Variants in SPICE1 observed in about 807,000 individuals in gnomAD.
The protein encoded by SPICE1 is spindle and centriole associated protein 1, also known as spindle and centriole-associated protein 1.
A neutral mutation model predicts 102.7 loss-of-function variants in SPICE1; 75 were observed. The ratio of observed to expected loss-of-function variants is 0.73; its 90% confidence interval spans 0.61 to 0.88. The LOEUF is 0.88. SPICE1 is among the 40% of genes least tolerant of loss of function. The pLI, the probability that SPICE1 is intolerant of heterozygous loss-of-function variation, is 0.00. For synonymous variants in SPICE1, 308 were observed against 350.3 expected (o/e 0.88, Z 1.35); for missense variants, 979 against 1,020.1 (o/e 0.96, Z 0.55).
At position 113,459,839 on chromosome 3, in the gene SPICE1, G is replaced by A. The variant is rs886069108; in HGVS notation, c.1435+778C>T. The A allele has an allele frequency of 2.8e-5, 27 of 968,048 alleles. No individual in the cohort carries two copies. In the Admixed American group the frequency reaches 3.1e-4, roughly 11 times the overall value. 60.0% of individuals were successfully genotyped at this position (968,048 alleles called of 1,614,324 possible). The stretch of plus-strand genomic sequence containing the variant: ...GGAGGTTGCAGTAAGCCGAGAGGGC[G>A]CCACTACACTCCAGCCTGGGTGACA... On this transcript the variant is annotated intron_variant, in intron 12 of 17. Transcript: ENST00000295872.
At chr3:113,481,348 C>G (rs61454255) in intron 7 of SPICE1, among the ~76,000 whole-genome samples, 1,860 of 151,200 alleles carry the variant, frequency 0.012, 30 homozygotes, top group African/African-American at 0.042. Flanking sequence ...AAGAAATAAG[C>G]AAACTCTATA....
At chr3:113,471,430 A>G (rs1936196061) in intron 7 of SPICE1, among the ~76,000 whole-genome samples, 1 of 152,228 alleles carries the variant, frequency 6.6e-6, no homozygotes, top group African/African-American at 2.4e-5. Context: ...CCACAATTTC[A>G]GAAGCTAGAA....
In SPICE1 at chr3:113,445,574, A is replaced by C. The variant is rs532992673; in HGVS notation, c.2515-214T>G. Among the ~76,000 whole-genome samples, 4 of 152,330 alleles carry C rather than the reference A, an allele frequency of 2.6e-5. No homozygotes were observed. The East Asian group carries it at 7.7e-4, about 29-fold the overall frequency. ...GGTCAACAGATCCTCTTACTGATTT[A>C]GGAGTCATAATTTTTTTAAGTCCAG... On this transcript the variant is annotated intron_variant, in intron 17 of 17. Transcript: ENST00000295872.
At chr3:113,472,309 G>A (rs986758819) in intron 7 of SPICE1, among the ~76,000 whole-genome samples, 1 of 152,260 alleles carries the variant, frequency 6.6e-6, no homozygotes, top group African/African-American at 2.4e-5. Context: ...GCCCACCACA[G>A]CTCAAGGAGG....
intron 6 of SPICE1, among the ~76,000 whole-genome samples, chr3:113,490,322 A>C (rs1355064779): frequency 6.6e-6 from 1 of 152,142 alleles, no homozygotes; most frequent in Non-Finnish European, 1.5e-5. Context: ...TAAGCCCCAG[A>C]CATTCATATT....
chr3:113,478,027 G>A (rs528644166), intron 7 of SPICE1, among the ~76,000 whole-genome samples: 2 of 146,478 alleles, frequency 1.4e-5, no homozygotes, highest in African/African-American at 5.0e-5. Flanking sequence ...GTAAAAAAAA[G>A]AAAACAAGAT....
chr3:113,477,694 C>T (rs1936386995), intron 7 of SPICE1, among the ~76,000 whole-genome samples: 1 of 150,418 alleles, frequency 6.6e-6, no homozygotes, highest in Non-Finnish European at 1.5e-5. Flanking sequence ...GGACAAAAAA[C>T]CAAACACCGC....
rs190749935 is a variant in SPICE1 at position 113,493,259 on chromosome 3, T to C, written c.439A>G (p.Asn147Asp). 187 of 1,613,566 alleles carry C rather than the reference T, an allele frequency of 1.2e-4. 2 individuals are homozygous for C. The East Asian group carries it at 2.3e-3, about 20-fold the overall frequency. ...PDSSQGPIVV[N>D]QDPITQSIFN... Reference sequence around the variant, plus strand: ...ATAGATTGGGTGATAGGGTCTTGATTTACCACAATGGGACCCTGAGAGGAA... The same window carrying C: ...ATAGATTGGGTGATAGGGTCTTGATCTACCACAATGGGACCCTGAGAGGAA... The change falls in exon 6 of 18, where the codon AAT becomes GAT. Residue 147 changes from asparagine to aspartate, a missense_variant. Physicochemically the swap from Asn to Asp is conservative, Grantham distance 23. Coordinates refer to ENST00000295872, the MANE Select transcript of SPICE1 (RefSeq NM_144718.4).
chr3:113,468,704 A>G (rs1936122108), intron 9 of SPICE1, 58 bp downstream of exon 9: 1 of 1,544,740 alleles, frequency 6.5e-7, no homozygotes, highest in South Asian at 1.2e-5. Context: ...TAAGAGATTA[A>G]GACAGCTGTA....
At chr3:113,493,156 T>G in intron 6 of SPICE1, 50 bp downstream of exon 6, 1 of 1,356,852 alleles carries the variant, frequency 7.4e-7, no homozygotes, top group Non-Finnish European at 1.0e-6. Flanking sequence ...CTATATCAAC[T>G]TAAACTTCCT....
At chr3:113,468,106 G>A (rs1936103667) in intron 10 of SPICE1, 33 bp downstream of exon 10, 2 of 1,500,736 alleles carry the variant, frequency 1.3e-6, no homozygotes, top group South Asian at 2.4e-5. Flanking sequence ...ATTTCTGCCT[G>A]AAAAGAAGAC....
intron 7 of SPICE1, among the ~76,000 whole-genome samples, chr3:113,481,081 A>G (rs1195896240): frequency 6.6e-6 from 1 of 152,200 alleles, no homozygotes; most frequent in Non-Finnish European, 1.5e-5. Context: ...GAAACCAATT[A>G]GAGGTGAAAG....
intron 7 of SPICE1, among the ~76,000 whole-genome samples, chr3:113,481,623 T>C (rs1264063998): frequency 6.6e-6 from 1 of 151,120 alleles, no homozygotes; most frequent in Non-Finnish European, 1.5e-5. Context: ...TGTGTCCGTG[T>C]GTTCTCATTG....
chr3:113,502,662 T>TAAAAAAAAAAAAAAA (rs35248720), intron 3 of SPICE1, among the ~76,000 whole-genome samples: 1 of 87,286 alleles, frequency 1.1e-5, no homozygotes, highest in Non-Finnish European at 2.2e-5. Flanking sequence ...CAATAAATCT[T>TAAAAAAAAAAAAAAA]AAAAAAAAAA....
At chr3:113,488,440 T>C (rs559521417) in intron 7 of SPICE1, among the ~76,000 whole-genome samples, 1 of 152,164 alleles carries the variant, frequency 6.6e-6, no homozygotes, top group Admixed American at 6.5e-5. Flanking sequence ...AAAATAATAA[T>C]GTATTTTGCA....
Position 113,453,094 on chromosome 3 carries a change from ACT to A in SPICE1, c.2142+370_2142+371del, listed in dbSNP as rs529383548. Among the ~76,000 whole-genome samples the A allele has an allele frequency of 9.9e-5, 15 of 152,266 alleles. No homozygotes were observed. In the East Asian group the frequency reaches 2.9e-3, roughly 29 times the overall value. On this transcript the variant is annotated intron_variant, in intron 14 of 17. Transcript: ENST00000295872. ...AACTACTCATGAGTTGAGGGCCAAT[ACT>A]CTTTTATGAGCCATTTTAAAAATAA...
chr3:113,459,969 T>A, intron 12 of SPICE1: 1 of 985,068 alleles, frequency 1.0e-6, no homozygotes, highest in Non-Finnish European at 1.2e-6. Context: ...GCAAGTTAAA[T>A]TTTGGTCAGC....
chr3:113,484,791 C>A (rs1425550674), intron 7 of SPICE1, among the ~76,000 whole-genome samples: 2 of 151,850 alleles, frequency 1.3e-5, no homozygotes, highest in African/African-American at 4.8e-5. Flanking sequence ...GAGTGTTTTA[C>A]TCAATTTCAG....
At chr3:113,476,322 G>A (rs908631391) in intron 7 of SPICE1, among the ~76,000 whole-genome samples, 3 of 151,308 alleles carry the variant, frequency 2.0e-5, no homozygotes, top group Admixed American at 1.3e-4. Flanking sequence ...ATGCTCATGG[G>A]TAGGAAGAAT....
Sources: gnomAD v4.1 joint callset for allele counts (sites outside exome capture counted in the v4.1 genomes callset) on GRCh38, gnomAD v4.1.1 for gene constraint, MANE v1.5 for transcripts, NCBI Gene and HGNC (gene_info 2026-07-23, HGNC 2026-07-21) for gene names.